The following L3MBTL3 variants were observed in gnomAD, a reference collection of about 807,000 sequenced individuals.
L3MBTL3 encodes the protein L3MBTL histone methyl-lysine binding protein 3, also known as lethal(3)malignant brain tumor-like protein 3.
In L3MBTL3, 27 loss-of-function variants were observed where a neutral mutation model predicts 102.3. That is an observed-to-expected ratio of 0.26 (90% CI 0.19 to 0.36). L3MBTL3 has a LOEUF of 0.36. L3MBTL3 is among the 10% of genes least tolerant of loss of function. L3MBTL3 has a pLI of 1.00. For synonymous variants in L3MBTL3, 340 were observed against 320.9 expected, an observed-to-expected ratio of 1.06 and a Z score of -0.64; for missense variants, 798 against 955.3, an observed-to-expected ratio of 0.84 and a Z score of 2.17.
intron 19 of L3MBTL3, among the ~76,000 whole-genome samples, chr6:130,109,473 T>G (rs1212984294): frequency 1.3e-5 from 2 of 152,232 alleles, no homozygotes; most frequent in Non-Finnish European, 2.9e-5. Flanking sequence ...ATGAGCTTGT[T>G]TTCACATGTT....
intron 17 of L3MBTL3, among the ~76,000 whole-genome samples, chr6:130,093,619 A>G (rs1350281974): frequency 1.3e-5 from 2 of 152,246 alleles, no homozygotes; most frequent in Non-Finnish European, 2.9e-5. Context: ...GTCACAAAGA[A>G]TATTAGTATT....
intron 18 of L3MBTL3, among the ~76,000 whole-genome samples, chr6:130,100,956 A>G (rs1313335696): frequency 6.6e-6 from 1 of 152,232 alleles, no homozygotes; most frequent in East Asian, 1.9e-4. Flanking sequence ...ATTTTAATAT[A>G]TATACAGTTA....
At chr6:130,087,495 C>A (rs958102946) in intron 16 of L3MBTL3, among the ~76,000 whole-genome samples, 1 of 152,016 alleles carries the variant, frequency 6.6e-6, no homozygotes, top group African/African-American at 2.4e-5. Context: ...AATATTGGTT[C>A]GACTGCATGA....
chr6:130,134,989 T>C (rs943049194), intron 22 of L3MBTL3, among the ~76,000 whole-genome samples: 36 of 151,746 alleles, frequency 2.4e-4, no homozygotes, highest in African/African-American at 8.3e-4. Flanking sequence ...TGTTTGATCT[T>C]TAATTGGCAG....
rs564258618 is a variant in L3MBTL3, at chr6:130,086,123, A to T, written c.1408-17A>T. The T allele has an allele frequency of 2.4e-5, 37 of 1,518,796 alleles. No individual in the cohort carries two copies. Among genetic ancestry groups the T allele is most frequent in the African/African-American group, 6.9e-5 (5 of 72,288 alleles). 94.1% of individuals were successfully genotyped at this position (1,518,796 alleles called of 1,614,324 possible). A position where few individuals can be genotyped will look rare whatever the true frequency, so the allele number is the denominator to read the frequency against. On this transcript the variant is annotated splice_polypyrimidine_tract_variant and intron_variant, in intron 15 of 22. Coordinates refer to ENST00000361794, the MANE Select transcript of L3MBTL3 (RefSeq NM_032438.4). ...CTTCCTCTTTATCTCACTCTGTAAA[A>T]TTTTTTTTTGTGGCAGAAACCTCCT...
At chr6:130,090,723 A>G (rs2115206760) in intron 16 of L3MBTL3, among the ~76,000 whole-genome samples, 1 of 152,092 alleles carries the variant, frequency 6.6e-6, no homozygotes, top group Middle Eastern at 3.4e-3. Context: ...AGCATAACTG[A>G]GTAGCTGGGA....
chr6:130,090,886 C>T (rs894370678), intron 16 of L3MBTL3, among the ~76,000 whole-genome samples: 4 of 152,044 alleles, frequency 2.6e-5, no homozygotes, highest in Non-Finnish European at 5.9e-5. Flanking sequence ...TGAGCCTGGC[C>T]TCAAATTTAT....
At chr6:130,095,246 AT>A (rs1254551526) in intron 18 of L3MBTL3, among the ~76,000 whole-genome samples, 1 of 152,204 alleles carries the variant, frequency 6.6e-6, no homozygotes, top group Non-Finnish European at 1.5e-5. Flanking sequence ...GTCTTTAAAA[AT>A]TTTGAAGATT....
chr6:130,042,848 G>T, intron 3 of L3MBTL3, 47 bp downstream of exon 3: 1 of 1,217,484 alleles, frequency 8.2e-7, no homozygotes, highest in Non-Finnish European at 1.2e-6. Flanking sequence ...GCATCTGTGC[G>T]TATGCTTACT....
At chr6:130,122,820 A>C (rs1222367694) in intron 20 of L3MBTL3, among the ~76,000 whole-genome samples, 2 of 152,194 alleles carry the variant, frequency 1.3e-5, no homozygotes, top group Non-Finnish European at 2.9e-5. Flanking sequence ...CAAAGTACCT[A>C]ACCTGTTTGT....
chr6:130,018,660 T>C lies in L3MBTL3; in HGVS notation c.-99T>C, dbSNP rs1778719107. On this transcript the variant is annotated 5_prime_UTR_variant, in exon 1 of 23. Transcript: ENST00000361794. ...ACGGAGAAAAAAAAAAGAGAAAATT[T>C]GGGGGTAAGAAGCGGTTGATCGGAT... 1 of 152,976 alleles carries C rather than the reference T, an allele frequency of 6.5e-6. No homozygotes were observed. The highest frequency in any genetic ancestry group is 1.5e-5 in the Non-Finnish European group (1 of 68,118). 9.5% of individuals were successfully genotyped at this position (152,976 alleles called of 1,614,324 possible). A position where few individuals can be genotyped will look rare whatever the true frequency, so the allele number is the denominator to read the frequency against.
chr6:130,040,245 C>G (rs1000557945), intron 2 of L3MBTL3, among the ~76,000 whole-genome samples: 7 of 151,354 alleles, frequency 4.6e-5, no homozygotes, highest in Admixed American at 6.6e-5. Flanking sequence ...AGGAGAATTG[C>G]TTGAACCCGG....
At chr6:130,128,945 G>T (rs537805764) in intron 20 of L3MBTL3, among the ~76,000 whole-genome samples, 1 of 152,184 alleles carries the variant, frequency 6.6e-6, no homozygotes, top group African/African-American at 2.4e-5. Flanking sequence ...CACAGGTGCA[G>T]GGTCGGTAGA....
intron 2 of L3MBTL3, among the ~76,000 whole-genome samples, chr6:130,024,939 G>T (rs530783394): frequency 6.6e-6 from 1 of 152,252 alleles, no homozygotes; most frequent in South Asian, 2.1e-4. Context: ...GCAGGACCAT[G>T]GCATATCATC....
chr6:130,072,560 A>T (rs1032804905), intron 13 of L3MBTL3, among the ~76,000 whole-genome samples: 1 of 152,178 alleles, frequency 6.6e-6, no homozygotes, highest in Non-Finnish European at 1.5e-5. Flanking sequence ...ATTGAAATAC[A>T]GTCAATTTCT....
chr6:130,068,552 A>T (rs2114984807), intron 12 of L3MBTL3, 131 bp downstream of exon 12: 2 of 535,796 alleles, frequency 3.7e-6, no homozygotes, highest in Non-Finnish European at 6.7e-6. Context: ...CTCTTATCTT[A>T]ATTAAAGTTT....
At chr6:130,122,051 A>G (rs1367088403) in intron 20 of L3MBTL3, among the ~76,000 whole-genome samples, 1 of 152,210 alleles carries the variant, frequency 6.6e-6, no homozygotes, top group Non-Finnish European at 1.5e-5. Flanking sequence ...TAATTAAGCA[A>G]TGAAGTTGTA....
At chr6:130,072,422 A>G (rs962012061) in intron 13 of L3MBTL3, among the ~76,000 whole-genome samples, 12 of 152,226 alleles carry the variant, frequency 7.9e-5, no homozygotes, top group Non-Finnish European at 1.5e-4. Flanking sequence ...TTCTGGCACC[A>G]TCTCCTGCTG....
intron 3 of L3MBTL3, among the ~76,000 whole-genome samples, chr6:130,043,724 T>C (rs1429049726): frequency 6.6e-6 from 1 of 152,214 alleles, no homozygotes; most frequent in Non-Finnish European, 1.5e-5. Flanking sequence ...CCTCCTGGAA[T>C]CTAGTCCCTT....
Sources: gnomAD v4.1 joint callset for allele counts (sites outside exome capture counted in the v4.1 genomes callset) on GRCh38, gnomAD v4.1.1 for gene constraint, MANE v1.5 for transcripts, NCBI Gene and HGNC (gene_info 2026-07-23, HGNC 2026-07-21) for gene names.